The following AVL9 variants were observed in gnomAD, a reference collection of about 807,000 sequenced individuals.
AVL9 encodes the protein late secretory pathway protein AVL9 homolog.
In AVL9, 49 loss-of-function variants were observed where a neutral mutation model predicts 79.2. That is an observed-to-expected ratio of 0.62 (90% CI 0.49 to 0.79). The LOEUF is 0.79. AVL9 is among the 30% of genes least tolerant of loss of function. The pLI is 0.00. For missense variants in AVL9, 682 were observed against 776.8 expected, an observed-to-expected ratio of 0.88 and a Z score of 1.45; for synonymous variants, 299 against 280.6, an observed-to-expected ratio of 1.07 and a Z score of -0.65.
intron 12 of AVL9, among the ~76,000 whole-genome samples, chr7:32,573,737 A>G (rs886492239): frequency 1.3e-4 from 20 of 152,224 alleles, no homozygotes; most frequent in Admixed American, 1.1e-3. Flanking sequence ...ATGAACATAT[A>G]TCATCACTTT....
intron 10 of AVL9, 123 bp downstream of exon 10, chr7:32,559,587 A>G: frequency 1.1e-6 from 1 of 885,310 alleles, no homozygotes; most frequent in East Asian, 2.9e-5. Context: ...AAAACTGTAA[A>G]GTACAACCAA....
In AVL9 at chr7:32,588,081, T is replaced by C. The variant is rs1195934733; in HGVS notation, c.*4174T>C. On this transcript the variant is annotated 3_prime_UTR_variant, in exon 16 of 16. Coordinates refer to ENST00000318709, the MANE Select transcript of AVL9 (RefSeq NM_015060.3). Reference sequence around the variant, plus strand: ...CCTTTTTACTTATATGAAAGATAACTATATATTTAAATCATGTAAGTGGAA... The same window carrying C: ...CCTTTTTACTTATATGAAAGATAACCATATATTTAAATCATGTAAGTGGAA... 2 of 152,210 alleles carry C rather than the reference T, an allele frequency of 1.3e-5. No individual in the cohort carries two copies. 9.4% of individuals were successfully genotyped at this position (152,210 alleles called of 1,614,324 possible). A position where few individuals can be genotyped will look rare whatever the true frequency, so the allele number is the denominator to read the frequency against.
chr7:32,566,919 A>G (rs1790607004), intron 10 of AVL9, among the ~76,000 whole-genome samples: 1 of 152,236 alleles, frequency 6.6e-6, no homozygotes, highest in Admixed American at 6.5e-5. Context: ...TTAGTGTTTG[A>G]GAGATAGGGA....
chr7:32,541,099 C>T (rs1554339114), intron 1 of AVL9, among the ~76,000 whole-genome samples: 1 of 151,640 alleles, frequency 6.6e-6, no homozygotes, highest in Non-Finnish European at 1.5e-5. Flanking sequence ...GACGGGGTTT[C>T]ACCGTTTTAG....
At chr7:32,546,717 G>A (rs1434189643) in intron 3 of AVL9, among the ~76,000 whole-genome samples, 1 of 152,076 alleles carries the variant, frequency 6.6e-6, no homozygotes, top group Non-Finnish European at 1.5e-5. Context: ...CAGCTACTCG[G>A]GAGGCTGAGG....
intron 1 of AVL9, among the ~76,000 whole-genome samples, chr7:32,525,978 A>G (rs946852269): frequency 4.6e-5 from 7 of 152,112 alleles, no homozygotes; most frequent in African/African-American, 1.7e-4. Flanking sequence ...AAGGGAAAAA[A>G]CGGGAAACAG....
At chr7:32,497,350 A>G (rs2128108564) in intron 1 of AVL9, among the ~76,000 whole-genome samples, 1 of 152,306 alleles carries the variant, frequency 6.6e-6, no homozygotes, top group Non-Finnish European at 1.5e-5. Flanking sequence ...AGCGAAAAAA[A>G]AAGTTTTGGA....
chr7:32,523,483 A>G (rs1015692321), intron 1 of AVL9, among the ~76,000 whole-genome samples: 4 of 148,750 alleles, frequency 2.7e-5, no homozygotes, highest in African/African-American at 9.8e-5. Context: ...TTAAAAACAT[A>G]CATGTTAATA....
At chr7:32,543,472 G>A (rs1468778486) in intron 2 of AVL9, among the ~76,000 whole-genome samples, 1 of 152,222 alleles carries the variant, frequency 6.6e-6, no homozygotes, top group Non-Finnish European at 1.5e-5. Context: ...GTGAACCTTG[G>A]CCACGCTTCT....
chr7:32,503,407 A>ACACACACACACACACACACAC (rs1477431265), intron 1 of AVL9, among the ~76,000 whole-genome samples: 68 of 60,288 alleles, frequency 1.1e-3, no homozygotes, highest in Admixed American at 6.0e-3. Context: ...CACACACACA[A>ACACACACACACACACACACAC]ATTAGCCGGG....
intron 1 of AVL9, chr7:32,538,799 G>A (rs1789036959): frequency 6.6e-6 from 1 of 152,194 alleles, no homozygotes; most frequent in African/African-American, 2.4e-5. Flanking sequence ...CCAAGAGCAG[G>A]TTCTTGGCTC....
chr7:32,502,751 G>T (rs1787197156), intron 1 of AVL9, among the ~76,000 whole-genome samples: 1 of 152,150 alleles, frequency 6.6e-6, no homozygotes, highest in African/African-American at 2.4e-5. Flanking sequence ...AGTTACTCTG[G>T]GTGACTCTCT....
chr7:32,517,949 G>T (rs1787981508), intron 1 of AVL9, among the ~76,000 whole-genome samples: 1 of 152,008 alleles, frequency 6.6e-6, no homozygotes, highest in Admixed American at 6.6e-5. Context: ...CTCTGCCTCA[G>T]CCTCTTGAGT....
chr7:32,576,610 C>T (rs1040612385), intron 13 of AVL9, among the ~76,000 whole-genome samples: 1 of 151,996 alleles, frequency 6.6e-6, no homozygotes, highest in African/African-American at 2.4e-5. Flanking sequence ...ATGCTGAAAC[C>T]CATCTCTACT....
At chr7:32,530,336 ATAAAG>A (rs1475520628) in intron 1 of AVL9, among the ~76,000 whole-genome samples, 2 of 152,236 alleles carry the variant, frequency 1.3e-5, no homozygotes, top group African/African-American at 2.4e-5. Context: ...CTAGCTTTAC[ATAAAG>A]TAGCTCTCCA....
At chr7:32,576,162 G>A (rs939436555) in intron 13 of AVL9, 90 bp downstream of exon 13, 22 of 876,470 alleles carry the variant, frequency 2.5e-5, no homozygotes, top group Admixed American at 4.2e-5. Flanking sequence ...CTTTGATATT[G>A]TGAATATCCT....
At position 32,522,666 on chromosome 7, in the gene AVL9, A is replaced by T. The variant is rs572005691; in HGVS notation, c.94-20475A>T. Among the ~76,000 whole-genome samples the T allele has an allele frequency of 1.4e-4, 22 of 152,012 alleles. 2 individuals carry two copies. In the East Asian group the frequency reaches 1.7e-3, roughly 12 times the overall value. On this transcript the variant is annotated intron_variant, in intron 1 of 15. Transcript: ENST00000318709. ...CTGAAATGAGTTAAGACTTTGGGAG[A>T]CTGTTGGGAAGGCACGATTGGTTTT...
chr7:32,532,808 G>A (rs1437165075), intron 1 of AVL9: 4 of 152,334 alleles, frequency 2.6e-5, no homozygotes, highest in Non-Finnish European at 2.9e-5. Context: ...GGGAGACCAG[G>A]GTGGGAAGAT....
At chr7:32,551,272 A>G in intron 4 of AVL9, 62 bp from the exon 5 acceptor site, 1 of 1,105,398 alleles carries the variant, frequency 9.0e-7, no homozygotes, top group Non-Finnish European at 1.3e-6. Context: ...TACTATTATC[A>G]ACCAATTTTA....
Sources: allele counts gnomAD v4.1 joint callset (sites outside exome capture counted in the v4.1 genomes callset), GRCh38; gene constraint gnomAD v4.1.1; transcripts MANE v1.5; gene names NCBI Gene and HGNC (gene_info 2026-07-23, HGNC 2026-07-21).